The following SLC22A4 variants were observed in gnomAD, a reference collection of about 807,000 sequenced individuals.
The protein encoded by SLC22A4 is solute carrier family 22 member 4, also known as ET transporter.
In SLC22A4, 39 loss-of-function variants were observed where a neutral mutation model predicts 56.6. The observed-to-expected ratio is 0.69, with a 90% CI of 0.53 to 0.90. The LOEUF is 0.90. Among genes scored for constraint, SLC22A4 ranks in the 40% least tolerant of loss-of-function variants. The pLI, the probability that SLC22A4 is intolerant of heterozygous loss-of-function variation, is 0.00. For missense variants in SLC22A4, 594 were observed against 696.5 expected, an observed-to-expected ratio of 0.85 and a Z score of 1.66; for synonymous variants, 241 against 281.4, an observed-to-expected ratio of 0.86 and a Z score of 1.44.
At chr5:132,307,015 A>C (rs1750057201) in intron 1 of SLC22A4, among the ~76,000 whole-genome samples, 1 of 152,236 alleles carries the variant, frequency 6.6e-6, no homozygotes, top group Non-Finnish European at 1.5e-5. Context: ...TGAAAATTCT[A>C]AAATCAGATC....
At chr5:132,313,029 T>C (rs1023702264) in intron 2 of SLC22A4, among the ~76,000 whole-genome samples, 2 of 152,208 alleles carry the variant, frequency 1.3e-5, no homozygotes, top group African/African-American at 4.8e-5. Flanking sequence ...CCAACAGACA[T>C]TGCTGAAAGC....
At chr5:132,322,464 C>T in intron 4 of SLC22A4, 109 bp downstream of exon 4, 1 of 1,082,620 alleles carries the variant, frequency 9.2e-7, no homozygotes, top group Non-Finnish European at 1.4e-6. Context: ...CTCCACGGAA[C>T]TCGCGGAGGC....
At chr5:132,331,978 A>G (rs1750871273) in intron 6 of SLC22A4, 128 bp downstream of exon 6, 1 of 719,872 alleles carries the variant, frequency 1.4e-6, no homozygotes, top group African/African-American at 1.8e-5. Context: ...ATAAAATTCT[A>G]AATTATTTTG....
chr5:132,318,130 A>G (rs1750417157), intron 3 of SLC22A4, among the ~76,000 whole-genome samples: 1 of 151,030 alleles, frequency 6.6e-6, no homozygotes, highest in Admixed American at 6.6e-5. Flanking sequence ...ATTGGTGCAG[A>G]CAGAGGGGAA....
intron 3 of SLC22A4, among the ~76,000 whole-genome samples, chr5:132,316,779 T>C (rs772550237): frequency 1.3e-5 from 2 of 152,246 alleles, no homozygotes; most frequent in Admixed American, 6.5e-5. Flanking sequence ...ACTACATCAA[T>C]GATGCAGCTT....
intron 5 of SLC22A4, among the ~76,000 whole-genome samples, chr5:132,328,838 T>TACACACAC (rs200357854): frequency 2.9e-5 from 4 of 138,592 alleles, no homozygotes; most frequent in African/African-American, 1.1e-4. Context: ...TATATATATA[T>TACACACAC]ACACACACAC....
intron 7 of SLC22A4, among the ~76,000 whole-genome samples, chr5:132,335,460 TAAGA>T (rs1750993051): frequency 6.6e-6 from 1 of 152,196 alleles, no homozygotes; most frequent in African/African-American, 2.4e-5. Context: ...TTCTTAATAA[TAAGA>T]AAGAGGATAG....
intron 5 of SLC22A4, among the ~76,000 whole-genome samples, chr5:132,328,828 T>TAC (rs1750760120): frequency 2.2e-4 from 4 of 18,466 alleles, no homozygotes; most frequent in African/African-American, 1.1e-3. Context: ...TGCCTTTATA[T>TAC]ATATATATAT....
chr5:132,306,100 G>T (rs969642023), intron 1 of SLC22A4, among the ~76,000 whole-genome samples: 4 of 152,080 alleles, frequency 2.6e-5, no homozygotes, highest in Non-Finnish European at 4.4e-5. Flanking sequence ...TAGGAATGTG[G>T]AGAAATTGAA....
chr5:132,329,488 A>C (rs926352745), intron 5 of SLC22A4, among the ~76,000 whole-genome samples: 7 of 149,518 alleles, frequency 4.7e-5, no homozygotes, highest in African/African-American at 1.7e-4. Context: ...TTTTTTTTTC[A>C]AAAAAAGAAA....
At chr5:132,295,729 G>A in intron 1 of SLC22A4, 1 of 176,544 alleles carries the variant, frequency 5.7e-6, no homozygotes, top group Non-Finnish European at 1.2e-5. Context: ...CGCTTTTGCT[G>A]CTTCACATCT....
At chr5:132,314,837 T>A (rs1750290563) in intron 3 of SLC22A4, among the ~76,000 whole-genome samples, 1 of 152,192 alleles carries the variant, frequency 6.6e-6, no homozygotes, top group African/African-American at 2.4e-5. Context: ...AAGAGCCCCG[T>A]GCCATGGGCT....
intron 1 of SLC22A4, chr5:132,311,820 C>A: frequency 2.5e-6 from 1 of 402,446 alleles, no homozygotes; most frequent in Non-Finnish European, 4.7e-6. Flanking sequence ...GCCACCTTTA[C>A]TTTGGACTGC....
intron 4 of SLC22A4, 91 bp from the exon 5 acceptor site, chr5:132,327,180 ATTTTAC>A: frequency 9.8e-7 from 1 of 1,017,560 alleles, no homozygotes. Context: ...ACAAACTAGA[ATTTTAC>A]AAAATTAAAA....
rs145978928 is a variant in SLC22A4 at position 132,297,975 on chromosome 5, C to T, written c.393+2966C>T. On this transcript the variant is annotated intron_variant, in intron 1 of 9. Transcript: ENST00000200652. ...AAAAAGTGTTGTTGTTGTTTTTAAA[C>T]ACAGAAAATAACAAGTGTTAGTGAG... is the stretch of plus-strand genomic sequence containing the variant. Among the ~76,000 whole-genome samples the T allele has an allele frequency of 6.1e-4, 93 of 152,190 alleles. No individual in the cohort carries two copies. In the East Asian group the frequency reaches 0.013, roughly 21 times the overall value.
chr5:132,338,883 G>T (rs533256753), intron 8 of SLC22A4, among the ~76,000 whole-genome samples: 4 of 152,300 alleles, frequency 2.6e-5, no homozygotes, highest in Admixed American at 6.5e-5. Flanking sequence ...GGGTCCTGAG[G>T]CGACATACAT....
chr5:132,337,438 C>T (rs1407056249), intron 8 of SLC22A4, among the ~76,000 whole-genome samples: 1 of 151,272 alleles, frequency 6.6e-6, no homozygotes, highest in African/African-American at 2.4e-5. Context: ...TCAAGCCCAG[C>T]TAATTTTTTT....
intron 6 of SLC22A4, 106 bp downstream of exon 6, chr5:132,331,956 A>T (rs955831879): frequency 1.3e-5 from 10 of 777,364 alleles, no homozygotes; most frequent in African/African-American, 3.4e-5. Context: ...TTCCTGAGGA[A>T]AAATTAAGAT....
At position 132,343,898 on chromosome 5, in the gene SLC22A4, G is replaced by A. The variant is rs1021414617; in HGVS notation, c.*63G>A. 1.7e-5 allele frequency: 18 copies of A among 1,067,850 alleles called. No individual in the cohort carries two copies. Among genetic ancestry groups the A allele is most frequent in the South Asian group, 5.4e-5 (4 of 74,634 alleles). The allele number at this position is 1,067,850 out of a possible 1,614,324, so 66.1% of individuals were successfully genotyped here. A position where few individuals can be genotyped will look rare whatever the true frequency, so the allele number is the denominator to read the frequency against. The stretch of plus-strand genomic sequence containing the variant: ...AAAATAAGACCCTGTGGAGAAATTC[G>A]TTGTTCCCACTGAAATGGACTGACT... On this transcript the variant is annotated 3_prime_UTR_variant, in exon 10 of 10. Transcript: ENST00000200652.
Sources: gnomAD v4.1 joint callset for allele counts (sites outside exome capture counted in the v4.1 genomes callset) on GRCh38, gnomAD v4.1.1 for gene constraint, MANE v1.5 for transcripts, NCBI Gene and HGNC (gene_info 2026-07-23, HGNC 2026-07-21) for gene names.